The following RFX2 variants were observed in gnomAD, a reference collection of about 807,000 sequenced individuals.
The protein encoded by RFX2 is regulatory factor X2, also known as DNA-binding protein RFX2.
RFX2 carries 20 observed loss-of-function variants against 87.8 expected under a neutral mutation model. That is an observed-to-expected ratio of 0.23 (90% CI 0.16 to 0.33). RFX2 has a LOEUF of 0.33. Ranked by LOEUF, RFX2 falls within the 10% of genes least tolerant of loss-of-function variation. The probability of loss-of-function intolerance (pLI) is 1.00; values close to 1 mark genes in which losing one functional copy is unlikely to be tolerated. For synonymous variants in RFX2, 397 were observed against 431.3 expected (o/e 0.92, Z 0.98); for missense variants, 767 against 1,012.3 (o/e 0.76, Z 3.29).
intron 5 of RFX2, among the ~76,000 whole-genome samples, chr19:6,028,933 G>T (rs1455985154): frequency 6.6e-6 from 1 of 152,106 alleles, no homozygotes; most frequent in Non-Finnish European, 1.5e-5. Flanking sequence ...AAAAAAATTA[G>T]GTGGGTGTGG....
rs1193151976 is a variant in RFX2, at chr19:6,012,744, CTG to C, written c.899+240_899+241del. ...CTAGAATGGCTCTAAAAAATGAAGTCTGTTAAAAACAGTTTTAAACGGTTTTA... is the reference window on the plus strand; with the variant it reads ...CTAGAATGGCTCTAAAAAATGAAGTCTTAAAAACAGTTTTAAACGGTTTTA... On this transcript the variant is annotated intron_variant, in intron 8 of 17. Coordinates refer to ENST00000303657, the MANE Select transcript of RFX2 (RefSeq NM_000635.4). The surrounding 1 kb of genome is among the most constrained non-coding windows in gnomAD (Gnocchi z 4.6). Among the ~76,000 whole-genome samples, 3 of 152,112 alleles carry C rather than the reference CTG, an allele frequency of 2.0e-5. No individual in the cohort carries two copies. The highest frequency in any genetic ancestry group is 6.5e-5 in the Admixed American group (1 of 15,274).
intron 7 of RFX2, among the ~76,000 whole-genome samples, chr19:6,015,524 T>A (rs1386512745): frequency 6.6e-6 from 1 of 151,904 alleles, no homozygotes; most frequent in African/African-American, 2.4e-5. Context: ...GGTCTTGCTC[T>A]GTCACCCAGG....
intron 6 of RFX2, among the ~76,000 whole-genome samples, chr19:6,025,595 A>C (rs1343741503): frequency 6.6e-6 from 1 of 152,090 alleles, no homozygotes; most frequent in Non-Finnish European, 1.5e-5. Context: ...TACATTAAAT[A>C]ATTTACTCCC....
At position 6,012,525 on chromosome 19, in the gene RFX2, C is replaced by T. The variant is rs568523781; in HGVS notation, c.899+461G>A. Reference sequence around the variant, plus strand: ...GTCATTATAGGTTTGTCCAAACTGTCGAATGTACAACACCAAGAGTGAGCC... The same window carrying T: ...GTCATTATAGGTTTGTCCAAACTGTTGAATGTACAACACCAAGAGTGAGCC... On this transcript the variant is annotated intron_variant, in intron 8 of 17. Coordinates refer to ENST00000303657, the MANE Select transcript of RFX2 (RefSeq NM_000635.4). This position sits in a 1 kb window ranked among gnomAD's most constrained non-coding sequence, Gnocchi z 4.6. Among the ~76,000 whole-genome samples, 4 of 152,066 alleles carry T rather than the reference C, an allele frequency of 2.6e-5. No homozygotes were observed. The highest frequency in any genetic ancestry group is 1.3e-4 in the Admixed American group (2 of 15,280).
chr19:6,007,908 G>T lies in RFX2; in HGVS notation c.1135-106C>A. 1.1e-6 allele frequency: 1 copy of T among 877,020 alleles called. No homozygotes were observed. Among genetic ancestry groups the T allele is most frequent in the Non-Finnish European group, 1.8e-6 (1 of 541,194 alleles). 54.3% of individuals were successfully genotyped at this position (877,020 alleles called of 1,614,324 possible). The stretch of plus-strand genomic sequence containing the variant: ...GATCCGGGCTACAGCGGGGTGCCCT[G>T]GAATCCCAAGGGAGGCCACAGAGAG... On this transcript the variant is annotated intron_variant, in intron 10 of 17. Coordinates refer to ENST00000303657, the MANE Select transcript of RFX2 (RefSeq NM_000635.4). The surrounding 1 kb of genome is among the most constrained non-coding windows in gnomAD (Gnocchi z 8.2).
chr19:6,040,213 G>A lies in RFX2; in HGVS notation c.289C>T (p.Pro97Ser). 6.3e-7 allele frequency: 1 copy of A among 1,582,654 alleles called. No individual in the cohort carries two copies. Among genetic ancestry groups the A allele is most frequent in the Non-Finnish European group, 8.6e-7 (1 of 1,157,230 alleles). ...IRTAYTYNPEPQMYAPSSTAS... is the reference protein window; with the variant it reads ...IRTAYTYNPESQMYAPSSTAS... ...GTGCTGCTGGGGGCGTACATCTGAGGCTCGGGGTTGTAGGTGTAGGCTGTT... is the reference window on the plus strand; with the variant it reads ...GTGCTGCTGGGGGCGTACATCTGAGACTCGGGGTTGTAGGTGTAGGCTGTT... The change falls in exon 5 of 18, where the codon CCT becomes TCT. Residue 97 changes from proline (P) to serine (S), a missense_variant. Pro to Ser is a moderately conservative substitution (Grantham distance 74). This residue lies in a region of RFX2 where 146 missense variants were observed against 139.2 expected (regional missense o/e 1.05). Coordinates refer to ENST00000303657, the MANE Select transcript of RFX2 (RefSeq NM_000635.4). The surrounding 1 kb of genome is among the most constrained non-coding windows in gnomAD (Gnocchi z 6.1).
intron 1 of RFX2, among the ~76,000 whole-genome samples, chr19:6,060,037 C>A (rs1348184195): frequency 2.0e-5 from 3 of 152,136 alleles, no homozygotes; most frequent in Non-Finnish European, 4.4e-5. Context: ...TTTCTCTGTA[C>A]TTTTCTCCTT....
chr19:6,043,339 C>G (rs2087139032), intron 3 of RFX2, among the ~76,000 whole-genome samples: 1 of 152,226 alleles, frequency 6.6e-6, no homozygotes, highest in Non-Finnish European at 1.5e-5. Flanking sequence ...TCCTGCAAAC[C>G]TTCCTAGTTC....
intron 1 of RFX2, among the ~76,000 whole-genome samples, chr19:6,082,003 G>C (rs2087791589): frequency 1.3e-5 from 2 of 152,046 alleles, no homozygotes; most frequent in African/African-American, 4.8e-5. Context: ...CAGGAGAATG[G>C]CGTGAACCTG....
intron 1 of RFX2, among the ~76,000 whole-genome samples, chr19:6,087,952 A>G (rs960076245): frequency 6.6e-6 from 1 of 152,106 alleles, no homozygotes; most frequent in Non-Finnish European, 1.5e-5. Context: ...GCAGTAATTA[A>G]TTTCAGAAAC....
intron 1 of RFX2, among the ~76,000 whole-genome samples, chr19:6,059,847 T>A (rs1459817431): frequency 6.6e-6 from 1 of 151,998 alleles, no homozygotes; most frequent in Non-Finnish European, 1.5e-5. Context: ...ATGAGAAGAA[T>A]GGCCAAAACC....
At chr19:5,995,664 CA>C in intron 16 of RFX2, 21 bp from the exon 17 acceptor site, 1 of 1,551,748 alleles carries the variant, frequency 6.4e-7, no homozygotes, top group Non-Finnish European at 8.7e-7. Flanking sequence ...AACCTGGAGT[CA>C]GGGGCGCCTG....
In RFX2 at chr19:6,047,451, G is replaced by C; in HGVS notation, c.46C>G (p.Leu16Val). 1 of 1,605,864 alleles carries C rather than the reference G, an allele frequency of 6.2e-7. No homozygotes were observed. The highest frequency in any genetic ancestry group is 8.5e-7 in the Non-Finnish European group (1 of 1,176,382). ...GGADSPASVA[L>V]RPSAAAPPVP... ...GGCGGGGCTGCCGCCGAGGGACGCAGAGCCACGGACGCTGGCGAATCCGCT... is the reference window on the plus strand; with the variant it reads ...GGCGGGGCTGCCGCCGAGGGACGCACAGCCACGGACGCTGGCGAATCCGCT... Residue 16 changes from leucine (L) to valine (V), a missense_variant, in exon 2 of 18, where the codon CTG (leucine) becomes GTG (valine). Coordinates refer to ENST00000303657, the MANE Select transcript of RFX2 (RefSeq NM_000635.4). This position sits in a 1 kb window ranked among gnomAD's most constrained non-coding sequence, Gnocchi z 4.2.
chr19:5,995,883 G>A (rs955108272), intron 16 of RFX2, among the ~76,000 whole-genome samples: 10 of 152,222 alleles, frequency 6.6e-5, no homozygotes, highest in Non-Finnish European at 1.3e-4. Flanking sequence ...TCGGGGCAGC[G>A]AGGGGACAGC....
intron 5 of RFX2, among the ~76,000 whole-genome samples, chr19:6,033,615 C>CAAAAA (rs34581899): frequency 8.3e-5 from 5 of 60,408 alleles, no homozygotes; most frequent in African/African-American, 2.3e-4. Context: ...CCCACCTTTG[C>CAAAAA]AAAAAAAAAA....
chr19:6,097,190 C>T (rs928379977), intron 1 of RFX2, among the ~76,000 whole-genome samples: 2 of 152,274 alleles, frequency 1.3e-5, no homozygotes, highest in Middle Eastern at 3.4e-3. Flanking sequence ...GAGACAGCTC[C>T]ATCTACAGCC....
chr19:6,082,932 A>T (rs936727812), intron 1 of RFX2, among the ~76,000 whole-genome samples: 1 of 152,142 alleles, frequency 6.6e-6, no homozygotes, highest in African/African-American at 2.4e-5. Flanking sequence ...CATTTTGCTC[A>T]TCATGGAATT....
intron 1 of RFX2, among the ~76,000 whole-genome samples, chr19:6,098,325 A>G (rs1295313560): frequency 6.6e-6 from 1 of 152,292 alleles, no homozygotes; most frequent in East Asian, 1.9e-4. Context: ...ATGTGGGGCT[A>G]CATTGCGGGA....
At chr19:6,108,239 C>T (rs772533802) in intron 1 of RFX2, among the ~76,000 whole-genome samples, 1 of 152,098 alleles carries the variant, frequency 6.6e-6, no homozygotes, top group African/African-American at 2.4e-5. Flanking sequence ...AATTCTTTTC[C>T]TAGGGAGGTT....
Sources: allele counts gnomAD v4.1 joint callset (sites outside exome capture counted in the v4.1 genomes callset), GRCh38; gene constraint gnomAD v4.1.1; regional missense constraint gnomAD v4.1.1; non-coding constraint Gnocchi (gnomAD v3.1); transcripts MANE v1.5; gene names NCBI Gene and HGNC (gene_info 2026-07-23, HGNC 2026-07-21).